Variants in KIAA2013 observed in about 807,000 individuals in gnomAD.
The protein encoded by KIAA2013 is uncharacterized protein KIAA2013.
KIAA2013 carries 20 observed loss-of-function variants against 39.9 expected under a neutral mutation model. That is an observed-to-expected ratio of 0.50 (90% CI 0.35 to 0.73). The LOEUF (loss-of-function observed/expected upper bound fraction) is 0.73. Among genes scored for constraint, KIAA2013 ranks in the 30% least tolerant of loss-of-function variants. The pLI, the probability that KIAA2013 is intolerant of heterozygous loss-of-function variation, is 0.01. For synonymous variants in KIAA2013, 336 were observed against 416.6 expected (o/e 0.81, Z 2.35); for missense variants, 587 against 856.1 (o/e 0.69, Z 3.92).
At position 11,925,021 on chromosome 1, in the gene KIAA2013, T is replaced by C. The variant is rs1645497395; in HGVS notation, c.1033+184A>G. 6.6e-6 allele frequency among the ~76,000 whole-genome samples: 1 copy of C among 152,214 alleles called. No individual in the cohort carries two copies. The highest frequency in any genetic ancestry group is 1.5e-5 in the Non-Finnish European group (1 of 68,050). ...TGAGGTAGGCGTTATTGTTATTAAATACAGGCCCAGAGAGATTAGGCGACG... is the reference window on the plus strand; with the variant it reads ...TGAGGTAGGCGTTATTGTTATTAAACACAGGCCCAGAGAGATTAGGCGACG... On this transcript the variant is annotated intron_variant, in intron 1 of 2. Coordinates refer to ENST00000376572, the MANE Select transcript of KIAA2013 (RefSeq NM_138346.3). The surrounding 1 kb of genome is among the most constrained non-coding windows in gnomAD (Gnocchi z 5.2).
chr1:11,922,286 C>G, intron 2 of KIAA2013: 3 of 1,260,702 alleles, frequency 2.4e-6, no homozygotes, highest in Non-Finnish European at 3.1e-6. Flanking sequence ...AACTCCTGGG[C>G]TCAAGGGATT....
rs776454399 is a variant in KIAA2013, at chr1:11,922,640, C to A, written c.1883G>T (p.Ser628Ile). 6.2e-7 allele frequency: 1 copy of A among 1,613,340 alleles called. No homozygotes were observed. The highest frequency in any genetic ancestry group is 1.7e-5 in the Admixed American group (1 of 59,846). Residue 628 changes from serine to isoleucine, a missense_variant, in exon 2 of 3, where the codon AGT becomes ATT. Physicochemically the swap from Ser to Ile is moderately radical, Grantham distance 142. Transcript: ENST00000376572. Reference protein sequence around the residue: ...CGPGAKPLFRSKEDPSV With the variant: ...CGPGAKPLFRIKEDPSV The stretch of plus-strand genomic sequence containing the variant: ...GACCAGATGGCGGCTTCCTACCTTA[C>A]TCCTGAAGAGGGGCTTGGCTCCAGG...
In KIAA2013 at chr1:11,922,733, C is replaced by T. The variant is rs1645482114; in HGVS notation, c.1790G>A (p.Ser597Asn). The T allele has an allele frequency of 6.2e-6, 10 of 1,613,816 alleles. No homozygotes were observed. The highest frequency in any genetic ancestry group is 7.6e-6 in the Non-Finnish European group (9 of 1,179,932). Residue 597 changes from serine to asparagine, a missense_variant, in exon 2 of 3, where the codon AGC (serine) becomes AAC (asparagine). Transcript: ENST00000376572. ...GAAGAGGGTGATTAGGGAGGCCACG[C>T]TGAACCAGAAGAGGAAGGGCAGCCC... ...DPGLPFLFWFSVASLITLFHL... is the reference protein window; with the variant it reads ...DPGLPFLFWFNVASLITLFHL...
chr1:11,925,473 G>T lies in KIAA2013; in HGVS notation c.765C>A (p.Pro255=). 6.2e-7 allele frequency: 1 copy of T among 1,609,952 alleles called. No homozygotes were observed. The highest frequency in any genetic ancestry group is 2.2e-5 in the East Asian group (1 of 44,832). Residue 255 remains proline, a synonymous_variant, in exon 1 of 3, where the codon CCC becomes CCA. Transcript: ENST00000376572. The surrounding 1 kb of genome is among the most constrained non-coding windows in gnomAD (Gnocchi z 5.2). ...CCACCACCAGGTGCACCAACCCAGT[G>T]GGCGTAGGCGGGGACCGGCCTGAGT... ...LLYSGRSPPT[P]TGLVHLVVVA...
At position 11,923,122 on chromosome 1, in the gene KIAA2013, G is replaced by T; in HGVS notation, c.1401C>A (p.His467Gln). The change falls in exon 2 of 3, where the codon CAC becomes CAA. Residue 467 changes from histidine (H) to glutamine (Q), a missense_variant. Transcript: ENST00000376572. This position sits in a 1 kb window ranked among gnomAD's most constrained non-coding sequence, Gnocchi z 4.6. ...SFGGLQFTENHLQFQADPDVL... is the reference protein window; with the variant it reads ...SFGGLQFTENQLQFQADPDVL... ...CGTCGGGGTCGGCCTGGAACTGGAGGTGGTTCTCTGTGAACTGCAGCCCCC... is the reference window on the plus strand; with the variant it reads ...CGTCGGGGTCGGCCTGGAACTGGAGTTGGTTCTCTGTGAACTGCAGCCCCC... 1 of 1,609,950 alleles carries T rather than the reference G, an allele frequency of 6.2e-7. No individual in the cohort carries two copies. The highest frequency in any genetic ancestry group is 1.3e-5 in the African/African-American group (1 of 74,976).
chr1:11,920,250 C>T lies in KIAA2013; in HGVS notation c.*65G>A. On this transcript the variant is annotated 3_prime_UTR_variant, in exon 3 of 3. Coordinates refer to ENST00000376572, the MANE Select transcript of KIAA2013 (RefSeq NM_138346.3). ...CTTCCAAAGGATCCCTTGCTCCTGG[C>T]AGCGGGACTTTCAGTGCTGGGTGTC... 3 of 1,578,954 alleles carry T rather than the reference C, an allele frequency of 1.9e-6. No homozygotes were observed. Among genetic ancestry groups the T allele is most frequent in the Non-Finnish European group, 1.7e-6 (2 of 1,148,144 alleles).
In KIAA2013 at chr1:11,926,176, C is replaced by G. The variant is rs977509934; in HGVS notation, c.62G>C (p.Arg21Pro). The G allele has an allele frequency of 7.2e-7, 1 of 1,386,918 alleles. No homozygotes were observed. The highest frequency in any genetic ancestry group is 9.4e-7 in the Non-Finnish European group (1 of 1,062,568). 85.9% of individuals were successfully genotyped at this position (1,386,918 alleles called of 1,614,324 possible). The change falls in exon 1 of 3, where the codon CGC becomes CCC. Residue 21 changes from arginine (R) to proline (P), a missense_variant. Transcript: ENST00000376572. Reference protein sequence around the residue: ...PGLLSSSWARRLLCLLGLLLL... With the variant: ...PGLLSSSWARPLLCLLGLLLL... ...CAGGAGGCCAAGCAGGCAGAGGAGG[C>G]GGCGGGCCCAGCTGCTCGACAGCAG...
In KIAA2013 at chr1:11,922,529, C is replaced by T. The variant is rs1248244913; in HGVS notation, c.1887+107G>A. The T allele has an allele frequency of 3.9e-6, 6 of 1,553,792 alleles. No individual in the cohort carries two copies. In the East Asian group the frequency reaches 1.2e-4, roughly 31 times the overall value. ...CAAGGGCTGAGGGCATCAGGACACCCATTCCTGCCCAGGCCTCACCCCCCC... is the reference window on the plus strand; with the variant it reads ...CAAGGGCTGAGGGCATCAGGACACCTATTCCTGCCCAGGCCTCACCCCCCC... On this transcript the variant is annotated intron_variant, in intron 2 of 2. Transcript: ENST00000376572.
At chr1:11,922,041 C>A (rs953532060) in intron 2 of KIAA2013, 1 of 151,986 alleles carries the variant, frequency 6.6e-6, no homozygotes, top group Non-Finnish European at 1.5e-5. Flanking sequence ...AGAGACAAGT[C>A]CTCGTTATCC....
chr1:11,922,735 G>A lies in KIAA2013; in HGVS notation c.1788C>T (p.Phe596=). 6.2e-7 allele frequency: 1 copy of A among 1,613,960 alleles called. No homozygotes were observed. Among genetic ancestry groups the A allele is most frequent in the African/African-American group, 1.3e-5 (1 of 75,084 alleles). ...AGAGGGTGATTAGGGAGGCCACGCT[G>A]AACCAGAAGAGGAAGGGCAGCCCGG... The part of the protein sequence containing the change: ...QDPGLPFLFW[F]SVASLITLFH... The change falls in exon 2 of 3, where the codon TTC becomes TTT. Residue 596 remains phenylalanine, a synonymous_variant. Transcript: ENST00000376572.
In KIAA2013 at chr1:11,922,866, G is replaced by A; in HGVS notation, c.1657C>T (p.Pro553Ser). 6.2e-7 allele frequency: 1 copy of A among 1,612,536 alleles called. No individual in the cohort carries two copies. Among genetic ancestry groups the A allele is most frequent in the South Asian group, 1.1e-5 (1 of 90,986 alleles). ...AGGTCGGTGGAGATGTAGAGCAGTG[G>A]CGTGATGGGCTGTGTCACCATGACC... ...FSVMVTQPITPLLYISTDLTH... is the reference protein window; with the variant it reads ...FSVMVTQPITSLLYISTDLTH... Residue 553 changes from proline to serine, a missense_variant, in exon 2 of 3, where the codon CCA becomes TCA. By Grantham distance (74) the Pro-to-Ser change is moderately conservative. Coordinates refer to ENST00000376572, the MANE Select transcript of KIAA2013 (RefSeq NM_138346.3).
In KIAA2013 at chr1:11,925,642, G is replaced by A. The variant is rs1645501572; in HGVS notation, c.596C>T (p.Pro199Leu). ...QEDFLAHRGR[P>L]HVYLQRIQLN... ...CTGGATGCGCTGCAGGTAGACGTGG[G>A]GTCGGCCCCTGTGCGCCAGAAAGTC... Residue 199 changes from proline (P) to leucine (L), a missense_variant, in exon 1 of 3, where the codon CCC (proline) becomes CTC (leucine). Coordinates refer to ENST00000376572, the MANE Select transcript of KIAA2013 (RefSeq NM_138346.3). This position sits in a 1 kb window ranked among gnomAD's most constrained non-coding sequence, Gnocchi z 5.2. 1 of 1,608,732 alleles carries A rather than the reference G, an allele frequency of 6.2e-7. No homozygotes were observed. Among genetic ancestry groups the A allele is most frequent in the Non-Finnish European group, 8.5e-7 (1 of 1,179,116 alleles).
Position 11,923,446 on chromosome 1 carries a change from G to T in KIAA2013, c.1077C>A (p.Gly359=). 6.2e-7 allele frequency: 1 copy of T among 1,609,978 alleles called. No homozygotes were observed. Among genetic ancestry groups the T allele is most frequent in the Non-Finnish European group, 8.5e-7 (1 of 1,180,002 alleles). The change falls in exon 2 of 3, where the codon GGC becomes GGA. Residue 359 remains glycine (G), a synonymous_variant. Coordinates refer to ENST00000376572, the MANE Select transcript of KIAA2013 (RefSeq NM_138346.3). The surrounding 1 kb of genome is among the most constrained non-coding windows in gnomAD (Gnocchi z 4.6). The stretch of plus-strand genomic sequence containing the variant: ...AATAGAGCGTCAGGTTCACGGTGAG[G>T]CCAGACGGCGTGTGGGTGTCAGTGA... ...KKITDTHTPS[G]LTVNLTLYYM...
rs371900218 is a variant in KIAA2013 at position 11,923,736 on chromosome 1, A to G, written c.1034-247T>C. Among the ~76,000 whole-genome samples the G allele has an allele frequency of 1.9e-4, 29 of 152,236 alleles. No individual in the cohort carries two copies. Among genetic ancestry groups the G allele is most frequent in the African/African-American group, 6.7e-4 (28 of 41,552 alleles). On this transcript the variant is annotated intron_variant, in intron 1 of 2. Coordinates refer to ENST00000376572, the MANE Select transcript of KIAA2013 (RefSeq NM_138346.3). The surrounding 1 kb of genome is among the most constrained non-coding windows in gnomAD (Gnocchi z 4.6). ...GGGCCTGGTGCCAGAGCCCAGAGGAACACAGACTTAGCCAGGACTTGGCAC... is the reference window on the plus strand; with the variant it reads ...GGGCCTGGTGCCAGAGCCCAGAGGAGCACAGACTTAGCCAGGACTTGGCAC...
In KIAA2013 at chr1:11,923,460, G is replaced by A; in HGVS notation, c.1063C>T (p.His355Tyr). ...TTCACGGTGAGGCCAGACGGCGTGT[G>A]GGTGTCAGTGATCTTCTTCATTTCC... Reference protein sequence around the residue: ...GVEMKKITDTHTPSGLTVNLT... With the variant: ...GVEMKKITDTYTPSGLTVNLT... Residue 355 changes from histidine to tyrosine, a missense_variant, in exon 2 of 3, where the codon CAC becomes TAC. Physicochemically the swap from His to Tyr is moderately conservative, Grantham distance 83. Transcript: ENST00000376572. The surrounding 1 kb of genome is among the most constrained non-coding windows in gnomAD (Gnocchi z 4.6). The A allele has an allele frequency of 6.2e-7, 1 of 1,607,998 alleles. No individual in the cohort carries two copies. The highest frequency in any genetic ancestry group is 1.7e-5 in the Admixed American group (1 of 60,004).
At position 11,926,142 on chromosome 1, in the gene KIAA2013, A is replaced by G. The variant is rs778298677; in HGVS notation, c.96T>C (p.Leu32=). ...GCGCGCCGGACCCCCCAAACCACAG[A>G]AGCAGCAGCAGGAGGCCAAGCAGGC... ...LLCLLGLLLL[L]LWFGGSGARR... The change falls in exon 1 of 3, where the codon CTT becomes CTC. Residue 32 remains leucine, a synonymous_variant. Coordinates refer to ENST00000376572, the MANE Select transcript of KIAA2013 (RefSeq NM_138346.3). 2.9e-6 allele frequency: 4 copies of G among 1,402,384 alleles called. No homozygotes were observed. The South Asian group carries it at 5.3e-5, about 19-fold the overall frequency. The allele number at this position is 1,402,384 out of a possible 1,614,324, so 86.9% of individuals were successfully genotyped here. A position where few individuals can be genotyped will look rare whatever the true frequency, so the allele number is the denominator to read the frequency against.
rs1269864699 is a variant in KIAA2013, at chr1:11,925,625, G to A, written c.613C>T (p.Arg205Cys). The change falls in exon 1 of 3, where the codon CGC becomes TGC. Residue 205 changes from arginine to cysteine, a missense_variant. Transcript: ENST00000376572. The surrounding 1 kb of genome is among the most constrained non-coding windows in gnomAD (Gnocchi z 5.2). The stretch of plus-strand genomic sequence containing the variant: ...TCCGTGGGGTTGTTGAGCTGGATGC[G>A]CTGCAGGTAGACGTGGGGTCGGCCC... ...HRGRPHVYLQ[R>C]IQLNNPTERV... is the part of the protein sequence containing the mutation. The A allele has an allele frequency of 3.1e-6, 5 of 1,609,394 alleles. No individual in the cohort carries two copies. The highest frequency in any genetic ancestry group is 4.2e-6 in the Non-Finnish European group (5 of 1,179,280).
In KIAA2013 at chr1:11,923,766, C is replaced by A. The variant is rs1001064270; in HGVS notation, c.1034-277G>T. 1.3e-5 allele frequency among the ~76,000 whole-genome samples: 2 copies of A among 152,194 alleles called. No individual in the cohort carries two copies. Among genetic ancestry groups the A allele is most frequent in the African/African-American group, 4.8e-5 (2 of 41,434 alleles). On this transcript the variant is annotated intron_variant, in intron 1 of 2. Coordinates refer to ENST00000376572, the MANE Select transcript of KIAA2013 (RefSeq NM_138346.3). The surrounding 1 kb of genome is among the most constrained non-coding windows in gnomAD (Gnocchi z 4.6). ...GACTTAGCCAGGACTTGGCACCAAC[C>A]CTATGGTCAGACATCCTGCGCCAGA...
rs1177250183 is a variant in KIAA2013 at position 11,923,184 on chromosome 1, C to T, written c.1339G>A (p.Ala447Thr). Residue 447 changes from alanine to threonine, a missense_variant, in exon 2 of 3, where the codon GCC becomes ACC. Coordinates refer to ENST00000376572, the MANE Select transcript of KIAA2013 (RefSeq NM_138346.3). This position sits in a 1 kb window ranked among gnomAD's most constrained non-coding sequence, Gnocchi z 4.6. Reference protein sequence around the residue: ...RGCKGLVKVGAPGILQGMVLS... With the variant: ...RGCKGLVKVGTPGILQGMVLS... ...ACCATCCCCTGCAGGATGCCTGGGG[C>T]ACCCACCTTCACCAGCCCCTTGCAG... 2 of 1,613,574 alleles carry T rather than the reference C, an allele frequency of 1.2e-6. No individual in the cohort carries two copies. The highest frequency in any genetic ancestry group is 1.7e-6 in the Non-Finnish European group (2 of 1,179,792).
Sources: gnomAD v4.1 joint callset for allele counts (sites outside exome capture counted in the v4.1 genomes callset) on GRCh38, gnomAD v4.1.1 for gene constraint, Gnocchi (gnomAD v3.1) non-coding constraint, MANE v1.5 for transcripts, NCBI Gene and HGNC (gene_info 2026-07-23, HGNC 2026-07-21) for gene names.